Variants in CSMD3 observed in about 807,000 individuals in gnomAD.
CSMD3 encodes CUB and Sushi multiple domains 3.
Under a neutral mutation model 435.2 loss-of-function variants are expected in CSMD3, and 177 were observed. That is an observed-to-expected ratio of 0.41 (90% CI 0.36 to 0.46). CSMD3 has a LOEUF of 0.46. Ranked by LOEUF, CSMD3 falls within the 20% of genes least tolerant of loss-of-function variation. The pLI is 0.34. For synonymous variants in CSMD3, 1,656 were observed against 1,520.5 expected, an observed-to-expected ratio of 1.09 and a Z score of -2.07; for missense variants, 4,265 against 4,504.6, an observed-to-expected ratio of 0.95 and a Z score of 1.52.
chr8:113,138,489 T>C (rs2091469495), intron 4 of CSMD3, among the ~76,000 whole-genome samples: 1 of 151,438 alleles, frequency 6.6e-6, no homozygotes, highest in South Asian at 2.1e-4. Context: ...TTAATTCCAA[T>C]GCTAAAGATA....
At chr8:112,312,380 G>A (rs1175468880) in intron 49 of CSMD3, among the ~76,000 whole-genome samples, 3 of 151,808 alleles carry the variant, frequency 2.0e-5, no homozygotes, top group Non-Finnish European at 4.4e-5. Context: ...CCAGCCTCCC[G>A]AGTAGGTAGG....
chr8:113,083,985 A>C (rs945832386), intron 5 of CSMD3, among the ~76,000 whole-genome samples: 4 of 152,172 alleles, frequency 2.6e-5, no homozygotes, highest in Admixed American at 6.5e-5. Context: ...AAAAAATAAT[A>C]ATAAAGGAAA....
At chr8:112,701,226 A>C (rs1047701794) in intron 13 of CSMD3, among the ~76,000 whole-genome samples, 1 of 152,162 alleles carries the variant, frequency 6.6e-6, no homozygotes, top group African/African-American at 2.4e-5. Flanking sequence ...AGAGTATCTT[A>C]AGGTGGAAAC....
intron 10 of CSMD3, among the ~76,000 whole-genome samples, chr8:112,900,827 C>G (rs1232586289): frequency 6.6e-6 from 1 of 151,130 alleles, no homozygotes; most frequent in Non-Finnish European, 1.5e-5. Context: ...AATGGTCAAC[C>G]AGGCAATAAA....
intron 22 of CSMD3, among the ~76,000 whole-genome samples, chr8:112,617,464 A>G (rs771874178): frequency 1.1e-4 from 17 of 152,184 alleles, no homozygotes; most frequent in Non-Finnish European, 2.2e-4. Context: ...AGGAGAAAAC[A>G]AACCACAATA....
chr8:112,343,940 T>G (rs1825430115), intron 41 of CSMD3, among the ~76,000 whole-genome samples: 1 of 152,156 alleles, frequency 6.6e-6, no homozygotes, highest in African/African-American at 2.4e-5. Flanking sequence ...TGGAGTGCAG[T>G]GGCAAGATCT....
chr8:113,189,760 CTCT>C (rs1484221272), intron 3 of CSMD3, among the ~76,000 whole-genome samples: 3 of 151,922 alleles, frequency 2.0e-5, no homozygotes, highest in East Asian at 1.9e-4. Context: ...TACTTCAGAA[CTCT>C]TCTTCTCTAA....
chr8:113,169,504 A>G (rs1043430119), intron 4 of CSMD3, among the ~76,000 whole-genome samples: 1 of 152,128 alleles, frequency 6.6e-6, no homozygotes, highest in Non-Finnish European at 1.5e-5. Context: ...GGCCACAAAT[A>G]TACTCAAATC....
chr8:112,793,048 C>A (rs2078730143), intron 13 of CSMD3, among the ~76,000 whole-genome samples: 1 of 150,792 alleles, frequency 6.6e-6, no homozygotes, highest in Non-Finnish European at 1.5e-5. Context: ...TAATTTTTCT[C>A]ATGATTTGAG....
intron 3 of CSMD3, among the ~76,000 whole-genome samples, chr8:113,191,183 G>A (rs568352017): frequency 3.3e-5 from 5 of 151,762 alleles, no homozygotes; most frequent in African/African-American, 1.2e-4. Flanking sequence ...AATGCACGTG[G>A]GCATACATGT....
intron 1 of CSMD3, among the ~76,000 whole-genome samples, chr8:113,324,878 C>G (rs1394301049): frequency 2.6e-5 from 4 of 152,226 alleles, no homozygotes; most frequent in Non-Finnish European, 5.9e-5. Context: ...GAGAACCCAC[C>G]TCTTGCATCA....
At chr8:112,416,115 C>T (rs1400662661) in intron 32 of CSMD3, among the ~76,000 whole-genome samples, 8 of 151,924 alleles carry the variant, frequency 5.3e-5, no homozygotes, top group Non-Finnish European at 1.0e-4. Context: ...GGGCTGTGTC[C>T]TCATCCAAAT....
chr8:112,579,162 T>G (rs1362800098), intron 23 of CSMD3, among the ~76,000 whole-genome samples: 1 of 152,028 alleles, frequency 6.6e-6, no homozygotes, highest in Non-Finnish European at 1.5e-5. Flanking sequence ...AGTTTGTAAA[T>G]GATATGAGCA....
intron 28 of CSMD3, among the ~76,000 whole-genome samples, chr8:112,510,039 C>T (rs1030836772): frequency 2.0e-5 from 3 of 152,108 alleles, no homozygotes; most frequent in Non-Finnish European, 4.4e-5. Context: ...AAGCTAGAGG[C>T]CTAAGAGTCT....
chr8:113,136,815 G>A (rs2091429945), intron 4 of CSMD3, among the ~76,000 whole-genome samples: 1 of 151,498 alleles, frequency 6.6e-6, no homozygotes, highest in Admixed American at 6.6e-5. Context: ...ATAGATAGTG[G>A]GGGAAGTCAG....
chr8:113,190,866 TC>T (rs1229587129), intron 3 of CSMD3, among the ~76,000 whole-genome samples: 2 of 151,788 alleles, frequency 1.3e-5, no homozygotes, highest in Non-Finnish European at 2.9e-5. Flanking sequence ...CAATTTCCTG[TC>T]TTTTATTTTT....
At chr8:112,543,535 T>C (rs1364514411) in intron 27 of CSMD3, among the ~76,000 whole-genome samples, 3 of 152,040 alleles carry the variant, frequency 2.0e-5, no homozygotes, top group Admixed American at 6.6e-5. Flanking sequence ...CTCAATAATA[T>C]ATTACTTCAT....
intron 38 of CSMD3, among the ~76,000 whole-genome samples, chr8:112,371,274 G>T (rs1828366242): frequency 6.6e-6 from 1 of 152,192 alleles, no homozygotes; most frequent in South Asian, 2.1e-4. Flanking sequence ...AATATTGTTA[G>T]AATGCAGAGA....
chr8:112,718,262 C>T (rs2076777564), intron 13 of CSMD3, among the ~76,000 whole-genome samples: 1 of 151,950 alleles, frequency 6.6e-6, no homozygotes, highest in African/African-American at 2.4e-5. Flanking sequence ...CGTATAAAGG[C>T]TGTCTCTTCT....
Sources: allele counts gnomAD v4.1 joint callset (sites outside exome capture counted in the v4.1 genomes callset), GRCh38; gene constraint gnomAD v4.1.1; transcripts MANE v1.5; gene names NCBI Gene and HGNC (gene_info 2026-07-23, HGNC 2026-07-21).